Variants in ANO10 observed in about 807,000 individuals in gnomAD.
ANO10 encodes the protein anoctamin-10.
ANO10 carries 77 observed loss-of-function variants against 74.7 expected under a neutral mutation model. That is an observed-to-expected ratio of 1.03 (90% confidence interval 0.86 to 1.25). The LOEUF is 1.25. Among genes scored for constraint, ANO10 ranks in the 50% most tolerant of loss-of-function variants. The probability of loss-of-function intolerance (pLI) is 0.00; values close to 1 mark genes in which losing one functional copy is unlikely to be tolerated. For synonymous variants in ANO10, 279 were observed against 284.9 expected (o/e 0.98, Z 0.21); for missense variants, 721 against 778.1 (o/e 0.93, Z 0.87).
chr3:43,592,374 G>A lies in ANO10; in HGVS notation c.472+6158C>T, dbSNP rs1370279102. 2.6e-5 allele frequency among the ~76,000 whole-genome samples: 4 copies of A among 152,142 alleles called. No homozygotes were observed. In the South Asian group the frequency reaches 8.3e-4, roughly 32 times the overall value. ...GTCGGGGCCAACTGACACCTCGTAT[G>A]GCTGGGTGCCCCTCTGAGACAAAGC... On this transcript the variant is annotated intron_variant, in intron 4 of 12. Transcript: ENST00000292246.
chr3:43,669,196 C>T (rs887289751), intron 1 of ANO10, among the ~76,000 whole-genome samples: 1 of 152,026 alleles, frequency 6.6e-6, no homozygotes, highest in Non-Finnish European at 1.5e-5. Flanking sequence ...TGGAAAAACC[C>T]CAGGAGATTA....
At chr3:43,443,782 A>G (rs2093199780) in intron 11 of ANO10, among the ~76,000 whole-genome samples, 2 of 149,774 alleles carry the variant, frequency 1.3e-5, no homozygotes, top group South Asian at 2.1e-4. Context: ...CCAGGTTCCA[A>G]CGATTCTCCT....
intron 4 of ANO10, among the ~76,000 whole-genome samples, chr3:43,596,274 T>C (rs1172739218): frequency 6.6e-6 from 1 of 152,126 alleles, no homozygotes; most frequent in Non-Finnish European, 1.5e-5. Context: ...TTAAAGTTCA[T>C]ATGGAACCAA....
chr3:43,598,490 T>G (rs2082190330), intron 4 of ANO10, 42 bp downstream of exon 4: 1 of 1,603,234 alleles, frequency 6.2e-7, no homozygotes. Flanking sequence ...AATTTGCTAT[T>G]TATGTCTATT....
chr3:43,586,075 C>T (rs931271866), intron 4 of ANO10, among the ~76,000 whole-genome samples: 1 of 152,186 alleles, frequency 6.6e-6, no homozygotes, highest in Non-Finnish European at 1.5e-5. Context: ...CTGGGCCAAG[C>T]ACACAAAGGG....
At chr3:43,470,553 G>A (rs1276101361) in intron 11 of ANO10, among the ~76,000 whole-genome samples, 2 of 151,584 alleles carry the variant, frequency 1.3e-5, no homozygotes, top group Non-Finnish European at 2.9e-5. Context: ...CCGTGGTCTC[G>A]ATCTCCTGAC....
intron 11 of ANO10, among the ~76,000 whole-genome samples, chr3:43,547,051 A>G (rs1387971584): frequency 6.6e-6 from 1 of 152,160 alleles, no homozygotes; most frequent in Admixed American, 6.5e-5. Context: ...GCAGCCAGAG[A>G]AAAAAGGATC....
chr3:43,431,555 G>A (rs142281472), intron 12 of ANO10, among the ~76,000 whole-genome samples: 11 of 151,990 alleles, frequency 7.2e-5, no homozygotes, highest in African/African-American at 2.2e-4. Context: ...GCTGGGTTCC[G>A]GTTTACCATA....
chr3:43,525,308 C>G (rs1036737100), intron 11 of ANO10, among the ~76,000 whole-genome samples: 1 of 152,172 alleles, frequency 6.6e-6, no homozygotes, highest in Non-Finnish European at 1.5e-5. Context: ...TCCCTCATCC[C>G]CATCTCTCAC....
At chr3:43,415,136 G>A (rs920516465) in intron 12 of ANO10, among the ~76,000 whole-genome samples, 5 of 151,454 alleles carry the variant, frequency 3.3e-5, no homozygotes, top group African/African-American at 7.3e-5. Context: ...CACCACACAC[G>A]GCTCATTATT....
At chr3:43,422,560 T>C (rs75547685) in intron 12 of ANO10, among the ~76,000 whole-genome samples, 2,027 of 152,332 alleles carry the variant, frequency 0.013, 41 homozygotes, top group African/African-American at 0.044. Flanking sequence ...TTCTACAGCA[T>C]AGTGGCCCCA....
chr3:43,437,283 C>T (rs946740121), intron 11 of ANO10, among the ~76,000 whole-genome samples: 1 of 152,164 alleles, frequency 6.6e-6, no homozygotes, highest in Non-Finnish European at 1.5e-5. Flanking sequence ...AAGGCAGGTA[C>T]TCTCAAAGGA....
At chr3:43,549,087 T>C (rs935217709) in intron 11 of ANO10, among the ~76,000 whole-genome samples, 5 of 136,538 alleles carry the variant, frequency 3.7e-5, no homozygotes, top group African/African-American at 1.1e-4. Flanking sequence ...ATTAAATGTA[T>C]GGAATTTGAT....
intron 1 of ANO10, among the ~76,000 whole-genome samples, chr3:43,678,617 G>A (rs2084153455): frequency 6.6e-6 from 1 of 152,180 alleles, no homozygotes; most frequent in Non-Finnish European, 1.5e-5. Context: ...CCCCTTTAGA[G>A]TTGTGAGCCT....
At chr3:43,525,181 T>TGCCAGAGC (rs2078138106) in intron 11 of ANO10, among the ~76,000 whole-genome samples, 1 of 152,158 alleles carries the variant, frequency 6.6e-6, no homozygotes, top group African/African-American at 2.4e-5. Flanking sequence ...AGCCAGGTCA[T>TGCCAGAGC]CTGGCCTCTG....
intron 11 of ANO10, among the ~76,000 whole-genome samples, chr3:43,493,777 C>A (rs1400885219): frequency 1.3e-5 from 2 of 152,086 alleles, no homozygotes; most frequent in African/African-American, 4.8e-5. Context: ...ATTCTGTCAC[C>A]CAGGCTGGAG....
chr3:43,408,320 T>G (rs1357346463), intron 12 of ANO10, among the ~76,000 whole-genome samples: 2 of 152,210 alleles, frequency 1.3e-5, no homozygotes, highest in East Asian at 3.8e-4. Context: ...GATTAAAATA[T>G]TAATTAATCT....
chr3:43,496,723 C>A (rs527962690), intron 11 of ANO10, among the ~76,000 whole-genome samples: 141 of 152,234 alleles, frequency 9.3e-4, no homozygotes, highest in Middle Eastern at 3.4e-3. Context: ...ATGTCTCCCC[C>A]TTTCTTCCCA....
At chr3:43,690,793 C>G (rs962735862) in intron 1 of ANO10, 1 of 463,148 alleles carries the variant, frequency 2.2e-6, no homozygotes. Flanking sequence ...CTAGTGCATG[C>G]TGGCTGGGGA....
Sources: gnomAD v4.1 joint callset for allele counts (sites outside exome capture counted in the v4.1 genomes callset) on GRCh38, gnomAD v4.1.1 for gene constraint, MANE v1.5 for transcripts, NCBI Gene and HGNC (gene_info 2026-07-23, HGNC 2026-07-21) for gene names.